PCGF2: variants seen among roughly 807,000 people sequenced by gnomAD.
The protein encoded by PCGF2 is polycomb group ring finger 2.
Under a neutral mutation model 36.1 loss-of-function variants are expected in PCGF2, and 8 were observed. The observed-to-expected ratio is 0.22, with a 90% CI of 0.13 to 0.40. The LOEUF (loss-of-function observed/expected upper bound fraction) is 0.40. Among genes scored for constraint, PCGF2 ranks in the 10% least tolerant of loss-of-function variants. The probability of loss-of-function intolerance (pLI) is 1.00; values close to 1 mark genes in which losing one functional copy is unlikely to be tolerated. For missense variants in PCGF2, 436 were observed against 475.9 expected, an observed-to-expected ratio of 0.92 and a Z score of 0.78; for synonymous variants, 198 against 191.2, an observed-to-expected ratio of 1.04 and a Z score of -0.29.
intron 2 of PCGF2, among the ~76,000 whole-genome samples, chr17:38,746,087 C>A (rs953893290): frequency 6.6e-6 from 1 of 152,094 alleles, no homozygotes; most frequent in Non-Finnish European, 1.5e-5. Flanking sequence ...GACAATGGCA[C>A]AAAGATCTGC....
At chr17:38,743,143 T>G (rs1431022247) in intron 2 of PCGF2, among the ~76,000 whole-genome samples, 2 of 149,198 alleles carry the variant, frequency 1.3e-5, no homozygotes, top group Non-Finnish European at 3.0e-5. Context: ...CAGGCTGAAG[T>G]ACAGTGGTGC....
rs1349805834 is a variant in PCGF2, at chr17:38,735,336, C to T, written c.922G>A (p.Gly308Arg). 1 of 1,552,774 alleles carries T rather than the reference C, an allele frequency of 6.4e-7. No individual in the cohort carries two copies. Among genetic ancestry groups the T allele is most frequent in the Admixed American group, 1.9e-5 (1 of 53,396 alleles). Residue 308 changes from glycine to arginine, a missense_variant, in exon 11 of 11, where the codon GGG becomes AGG. By Grantham distance (125) the Gly-to-Arg change is moderately radical. This residue lies in a region of PCGF2 where 227 missense variants were observed against 212.9 expected (regional missense o/e 1.07). Transcript: ENST00000620225. ...CCCCCGTTGGCAGCTGTGGTGGCCCCACTGGCTGTCGAAGGGGGAGTGGGG... is the reference window on the plus strand; with the variant it reads ...CCCCCGTTGGCAGCTGTGGTGGCCCTACTGGCTGTCGAAGGGGGAGTGGGG... The part of the protein sequence containing the change: ...TSPTPPSTAS[G>R]ATTAANGGSL...
At chr17:38,742,999 TAC>T (rs1444699860) in intron 2 of PCGF2, among the ~76,000 whole-genome samples, 1 of 151,994 alleles carries the variant, frequency 6.6e-6, no homozygotes, top group Non-Finnish European at 1.5e-5. Flanking sequence ...CATGCACGCG[TAC>T]ACACACATAC....
intron 2 of PCGF2, among the ~76,000 whole-genome samples, chr17:38,743,058 C>A (rs1464178870): frequency 6.6e-6 from 1 of 151,754 alleles, no homozygotes; most frequent in Non-Finnish European, 1.5e-5. Context: ...CCACCTCATT[C>A]ACACACTCGC....
At position 38,748,266 on chromosome 17, in the gene PCGF2, G is replaced by T. The variant is rs891309437; in HGVS notation, c.-204C>A. ...GAGGGAGGGAAGGGAGGGGAGGGGG[G>T]CCGCAGCCGTGTCGCTCGCCCGGGC... On this transcript the variant is annotated 5_prime_UTR_variant, in exon 1 of 11. Coordinates refer to ENST00000620225, the MANE Select transcript of PCGF2 (RefSeq NM_007144.3). 1 of 145,882 alleles carries T rather than the reference G, an allele frequency of 6.9e-6. No homozygotes were observed. The highest frequency in any genetic ancestry group is 2.5e-5 in the African/African-American group (1 of 39,424). The allele number at this position is 145,882 out of a possible 1,614,324, so 9.0% of individuals were successfully genotyped here. A position where few individuals can be genotyped will look rare whatever the true frequency, so the allele number is the denominator to read the frequency against.
chr17:38,739,463 A>G lies in PCGF2; in HGVS notation c.209+123T>C. On this transcript the variant is annotated intron_variant, in intron 4 of 10. Transcript: ENST00000620225. The surrounding 1 kb of genome is among the most constrained non-coding windows in gnomAD (Gnocchi z 4.0). ...TAACCCCAAGGTCGGGGAGTAGCCC[A>G]GGTCCACACCCCATGCTTCTCCTAC... The G allele has an allele frequency of 1.1e-6, 1 of 923,458 alleles. No individual in the cohort carries two copies. The highest frequency in any genetic ancestry group is 1.8e-6 in the Non-Finnish European group (1 of 562,918). 57.2% of individuals were successfully genotyped at this position (923,458 alleles called of 1,614,324 possible).
intron 2 of PCGF2, among the ~76,000 whole-genome samples, chr17:38,741,943 T>G (rs1328013234): frequency 6.6e-6 from 1 of 151,950 alleles, no homozygotes; most frequent in African/African-American, 2.4e-5. Context: ...ACATGGTCAC[T>G]GTTACTCTCC....
Position 38,739,117 on chromosome 17 carries a change from A to G in PCGF2, c.267T>C (p.Asp89=), listed in dbSNP as rs780159639. Residue 89 remains aspartate (D), a splice_region_variant and synonymous_variant, in exon 6 of 11, where the codon GAT becomes GAC. Transcript: ENST00000620225. This position sits in a 1 kb window ranked among gnomAD's most constrained non-coding sequence, Gnocchi z 4.0. ...VYKLVPGLFK[D]EMKRRRDFYA... Reference sequence around the variant, plus strand: ...AGAAATCCCGCCGCCGTTTCATCTCATCTGGAAGAAGGCAGCAGGATGAGG... The same window carrying G: ...AGAAATCCCGCCGCCGTTTCATCTCGTCTGGAAGAAGGCAGCAGGATGAGG... 98 of 1,611,214 alleles carry G rather than the reference A, an allele frequency of 6.1e-5. No individual in the cohort carries two copies. The highest frequency in any genetic ancestry group is 7.8e-5 in the Non-Finnish European group (92 of 1,177,594).
At chr17:38,749,354 G>T, upstream of PCGF2, 1 of 243,920 alleles carries the variant, frequency 4.1e-6, no homozygotes, top group South Asian at 4.1e-5. This position sits in a 1 kb window ranked among gnomAD's most constrained non-coding sequence, Gnocchi z 6.5. Context: ...CTGGCGCCCC[G>T]GCTCCACCTG....
intron 3 of PCGF2, 27 bp downstream of exon 3, chr17:38,740,264 T>A: frequency 6.3e-7 from 1 of 1,595,994 alleles, no homozygotes; most frequent in Admixed American, 1.7e-5. Flanking sequence ...CTGCCCACCC[T>A]GAGCAGCTCC....
At position 38,735,260 on chromosome 17, in the gene PCGF2, A is replaced by G; in HGVS notation, c.998T>C (p.Met333Thr). The G allele has an allele frequency of 6.8e-6, 10 of 1,464,584 alleles. No individual in the cohort carries two copies. The highest frequency in any genetic ancestry group is 1.8e-4 in the Middle Eastern group (1 of 5,516). 90.7% of individuals were successfully genotyped at this position (1,464,584 alleles called of 1,614,324 possible). The change falls in exon 11 of 11, where the codon ATG becomes ACG. Residue 333 changes from methionine to threonine, a missense_variant. By Grantham distance (81) the Met-to-Thr change is moderately conservative. Around this residue, in one of 3 missense-constraint regions of PCGF2, gnomAD observed 227 missense variants for 212.9 expected, o/e 1.07. Transcript: ENST00000620225. ...GGGCACGGGAGCGCCGTTGACAGTC[A>G]TCTTGCGCCCCCTGCTGGTGGAGGA... ...TPSSTSRGRK[M>T]TVNGAPVPPL...
At chr17:38,747,691 T>G (rs1343118872) in intron 2 of PCGF2, among the ~76,000 whole-genome samples, 188 bp downstream of exon 2, 1 of 152,110 alleles carries the variant, frequency 6.6e-6, no homozygotes, top group Non-Finnish European at 1.5e-5. Flanking sequence ...CACATCCCCT[T>G]CTGCCGGCCC....
rs1906524107 is a variant in PCGF2 at position 38,734,567 on chromosome 17, A to G, written c.*656T>C. The G allele has an allele frequency of 1.3e-5, 2 of 152,198 alleles. No homozygotes were observed. Among genetic ancestry groups the G allele is most frequent in the Non-Finnish European group, 2.9e-5 (2 of 67,988 alleles). 9.4% of individuals were successfully genotyped at this position (152,198 alleles called of 1,614,324 possible). On this transcript the variant is annotated 3_prime_UTR_variant, in exon 11 of 11. Coordinates refer to ENST00000620225, the MANE Select transcript of PCGF2 (RefSeq NM_007144.3). Reference sequence around the variant, plus strand: ...AGGCAGAACTATCTATTCTTTGCACAAAGTTTCCACTGCAAGAGGAGGAGG... The same window carrying G: ...AGGCAGAACTATCTATTCTTTGCACGAAGTTTCCACTGCAAGAGGAGGAGG...
Position 38,739,299 on chromosome 17 carries a change from C to T in PCGF2, c.210-46G>A, listed in dbSNP as rs113061894. The T allele has an allele frequency of 3.7e-5, 57 of 1,555,822 alleles. No homozygotes were observed. Among genetic ancestry groups the T allele is most frequent in the Non-Finnish European group, 4.5e-5 (51 of 1,127,886 alleles). ...CTTATCAGCAATGCCTTCTCCAGAG[C>T]GCTCCGACCTCGCCCTGCTCTCCCA... On this transcript the variant is annotated intron_variant, in intron 4 of 10. Coordinates refer to ENST00000620225, the MANE Select transcript of PCGF2 (RefSeq NM_007144.3). This position sits in a 1 kb window ranked among gnomAD's most constrained non-coding sequence, Gnocchi z 4.0.
At chr17:38,747,616 G>A (rs1000556927) in intron 2 of PCGF2, among the ~76,000 whole-genome samples, 1 of 152,024 alleles carries the variant, frequency 6.6e-6, no homozygotes, top group Admixed American at 6.5e-5. Flanking sequence ...GGGGGGAGGT[G>A]CCCGAGAGGA....
At chr17:38,743,421 CGA>C (rs1907331484) in intron 2 of PCGF2, among the ~76,000 whole-genome samples, 2 of 151,862 alleles carry the variant, frequency 1.3e-5, no homozygotes, top group Admixed American at 1.3e-4. Flanking sequence ...ACCCCACAGC[CGA>C]GAGCCCCACA....
At chr17:38,737,802 C>T (rs1906879489) in intron 9 of PCGF2, among the ~76,000 whole-genome samples, 1 of 151,366 alleles carries the variant, frequency 6.6e-6, no homozygotes, top group Non-Finnish European at 1.5e-5. Flanking sequence ...ATCCCAGCTA[C>T]TCGGGAGGCT....
chr17:38,745,008 T>G (rs1395785576), intron 2 of PCGF2, among the ~76,000 whole-genome samples: 1 of 149,736 alleles, frequency 6.7e-6, no homozygotes, highest in Non-Finnish European at 1.5e-5. Flanking sequence ...AGGTCAGGAG[T>G]TCAAAACCAG....
At chr17:38,735,709 G>C (rs1473484292) in intron 10 of PCGF2, 109 bp from the exon 11 acceptor site, 1 of 1,364,318 alleles carries the variant, frequency 7.3e-7, no homozygotes, top group Non-Finnish European at 9.7e-7. Context: ...CTCGAAAAAA[G>C]GGATGGGATG....
Sources: allele counts gnomAD v4.1 joint callset (sites outside exome capture counted in the v4.1 genomes callset), GRCh38; gene constraint gnomAD v4.1.1; regional missense constraint gnomAD v4.1.1; non-coding constraint Gnocchi (gnomAD v3.1); transcripts MANE v1.5; gene names NCBI Gene and HGNC (gene_info 2026-07-23, HGNC 2026-07-21).